Variants in TCP11L2 observed in about 807,000 individuals in gnomAD.
TCP11L2 encodes the protein T-complex protein 11-like protein 2.
A neutral mutation model predicts 50.7 loss-of-function variants in TCP11L2; 39 were observed. That is an observed-to-expected ratio of 0.77 (90% CI 0.60 to 1.01). The LOEUF (loss-of-function observed/expected upper bound fraction) is 1.01, where lower values mean the gene tolerates loss of function less well. TCP11L2 is among the 50% of genes least tolerant of loss of function. The pLI, the probability that TCP11L2 is intolerant of heterozygous loss-of-function variation, is 0.00. For missense variants in TCP11L2, 612 were observed against 614.7 expected (o/e 1.00, Z 0.05); for synonymous variants, 192 against 219.3 (o/e 0.88, Z 1.10).
chr12:106,319,036 C>A (rs374808542), intron 4 of TCP11L2, among the ~76,000 whole-genome samples: 17 of 152,230 alleles, frequency 1.1e-4, no homozygotes, highest in African/African-American at 4.1e-4. Context: ...CTCAGCCTCC[C>A]GAGTAGCTGG....
intron 1 of TCP11L2, chr12:106,307,318 A>T (rs2034673381): frequency 6.6e-6 from 1 of 152,206 alleles, no homozygotes; most frequent in African/African-American, 2.4e-5. Flanking sequence ...GCTTGGAGTC[A>T]TCTTCAGTCT....
Position 106,346,786 on chromosome 12 carries a change from AT to A in TCP11L2, c.*259del, listed in dbSNP as rs1406109381. On this transcript the variant is annotated 3_prime_UTR_variant, in exon 10 of 10. Coordinates refer to ENST00000299045, the MANE Select transcript of TCP11L2 (RefSeq NM_152772.3). ...AAATATTTGTAATGAACAGAAAACA[AT>A]TTGTAATTAATTATATTACCTATAT... 7.9e-6 allele frequency: 3 copies of A among 380,328 alleles called. No homozygotes were observed. Among genetic ancestry groups the A allele is most frequent in the Non-Finnish European group, 1.4e-5 (3 of 212,426 alleles). The allele number at this position is 380,328 out of a possible 1,614,324, so 23.6% of individuals were successfully genotyped here.
At chr12:106,326,687 C>G (rs934733373) in intron 6 of TCP11L2, among the ~76,000 whole-genome samples, 11 of 152,090 alleles carry the variant, frequency 7.2e-5, no homozygotes, top group African/African-American at 2.7e-4. Flanking sequence ...AGGGGTAGAG[C>G]CTGGGTAACC....
At chr12:106,324,803 G>A (rs2035480311) in intron 6 of TCP11L2, 1 of 152,196 alleles carries the variant, frequency 6.6e-6, no homozygotes, top group Non-Finnish European at 1.5e-5. Flanking sequence ...GTACAACCGG[G>A]TGAATGGTCA....
chr12:106,314,028 A>G (rs1182113639), intron 2 of TCP11L2, among the ~76,000 whole-genome samples: 1 of 152,084 alleles, frequency 6.6e-6, no homozygotes, highest in East Asian at 1.9e-4. Flanking sequence ...GGCCTCCCAA[A>G]GTGTTGGGAT....
intron 1 of TCP11L2, among the ~76,000 whole-genome samples, chr12:106,307,733 G>A (rs1314413312): frequency 6.6e-6 from 1 of 152,128 alleles, no homozygotes; most frequent in Non-Finnish European, 1.5e-5. Flanking sequence ...TTAACTACCA[G>A]CCTTGTTTGT....
chr12:106,336,452 C>A (rs187952482), intron 8 of TCP11L2, among the ~76,000 whole-genome samples: 3 of 151,266 alleles, frequency 2.0e-5, no homozygotes, highest in African/African-American at 7.3e-5. Flanking sequence ...TTTCCACTTA[C>A]AATGAATGTG....
upstream of TCP11L2, among the ~76,000 whole-genome samples, chr12:106,300,551 C>T (rs369542701): frequency 2.9e-4 from 44 of 152,224 alleles, no homozygotes; most frequent in East Asian, 6.6e-3. Flanking sequence ...AGGATGGTCT[C>T]GATCTCCTGA....
intron 2 of TCP11L2, 135 bp downstream of exon 2, chr12:106,311,367 G>A: frequency 1.0e-6 from 1 of 970,872 alleles, no homozygotes; most frequent in South Asian, 1.8e-5. Context: ...CACTGCAGAG[G>A]CACTGCAGCT....
chr12:106,299,892 T>C (rs1337256072), upstream of TCP11L2, among the ~76,000 whole-genome samples: 1 of 152,232 alleles, frequency 6.6e-6, no homozygotes, highest in Admixed American at 6.5e-5. Flanking sequence ...AATGATTTAT[T>C]ATAATTTAAA....
chr12:106,298,745 A>G (rs963312049), upstream of TCP11L2, among the ~76,000 whole-genome samples: 1 of 151,292 alleles, frequency 6.6e-6, no homozygotes, highest in African/African-American at 2.4e-5. Flanking sequence ...CTGGTCTCAA[A>G]CTCCTGACCT....
intron 8 of TCP11L2, among the ~76,000 whole-genome samples, chr12:106,338,722 T>C (rs2035999225): frequency 6.6e-6 from 1 of 152,252 alleles, no homozygotes; most frequent in Non-Finnish European, 1.5e-5. Context: ...TGTTTTAAGT[T>C]ATTTTAGAAA....
chr12:106,342,269 G>C (rs937482442), intron 9 of TCP11L2, among the ~76,000 whole-genome samples: 1 of 152,142 alleles, frequency 6.6e-6, no homozygotes, highest in Non-Finnish European at 1.5e-5. Flanking sequence ...GGAATGCTGG[G>C]GATCCAAGCT....
At chr12:106,337,900 T>A (rs908475297) in intron 8 of TCP11L2, among the ~76,000 whole-genome samples, 2 of 152,230 alleles carry the variant, frequency 1.3e-5, no homozygotes, top group Non-Finnish European at 2.9e-5. Context: ...TTTCATTGTT[T>A]AAATTTTTTT....
At chr12:106,336,704 C>G (rs1051430781) in intron 8 of TCP11L2, among the ~76,000 whole-genome samples, 3 of 152,072 alleles carry the variant, frequency 2.0e-5, no homozygotes, top group Admixed American at 2.0e-4. Context: ...AGGCATGCGC[C>G]GCCACGCCCA....
At chr12:106,330,377 C>T (rs1592965829) in intron 6 of TCP11L2, 1 of 913,984 alleles carries the variant, frequency 1.1e-6, no homozygotes, top group Non-Finnish European at 1.3e-6. Flanking sequence ...GCCACTGCCC[C>T]CGCCCCACAA....
upstream of TCP11L2, among the ~76,000 whole-genome samples, chr12:106,302,416 TCCCC>T (rs1555199792): frequency 8.6e-6 from 1 of 115,920 alleles, no homozygotes; most frequent in East Asian, 2.8e-4. Context: ...CAGCCCCCGC[TCCCC>T]CACTCGGCCC....
At chr12:106,329,256 TG>T in intron 6 of TCP11L2, 1 of 1,514,324 alleles carries the variant, frequency 6.6e-7, no homozygotes. Context: ...GTACAATACC[TG>T]GGACTGAGTA....
At chr12:106,302,302 C>G (rs1042659198), upstream of TCP11L2, among the ~76,000 whole-genome samples, 1 of 116,798 alleles carries the variant, frequency 8.6e-6, no homozygotes, top group Non-Finnish European at 1.9e-5. Flanking sequence ...CTCCCCAGAG[C>G]CCCGCTCAGC....
Sources: allele counts gnomAD v4.1 joint callset (sites outside exome capture counted in the v4.1 genomes callset), GRCh38; gene constraint gnomAD v4.1.1; transcripts MANE v1.5; gene names NCBI Gene and HGNC (gene_info 2026-07-23, HGNC 2026-07-21).